Variants in ADPGK observed in about 807,000 individuals in gnomAD.
ADPGK encodes ADP dependent glucokinase.
In ADPGK, 26 loss-of-function variants were observed where a neutral mutation model predicts 42.4. The ratio of observed to expected loss-of-function variants is 0.61; its 90% confidence interval spans 0.45 to 0.85. ADPGK has a LOEUF of 0.85. Ranked by LOEUF, ADPGK falls within the 40% of genes least tolerant of loss-of-function variation. ADPGK has a pLI of 0.00. For synonymous variants in ADPGK, 267 were observed against 252.6 expected (o/e 1.06, Z -0.54); for missense variants, 571 against 627.0 (o/e 0.91, Z 0.95).
intron 1 of ADPGK, among the ~76,000 whole-genome samples, chr15:72,781,885 C>T (rs2066462689): frequency 6.6e-6 from 1 of 152,110 alleles, no homozygotes; most frequent in Non-Finnish European, 1.5e-5. Flanking sequence ...AGCCCTATTC[C>T]AAAAGGACCT....
intron 1 of ADPGK, among the ~76,000 whole-genome samples, chr15:72,780,465 T>C (rs11072388): frequency 0.87 from 132,910 of 152,176 alleles, 58,299 homozygotes; most frequent in East Asian, 1. Flanking sequence ...GAGATTTGAG[T>C]GGGGACACAA....
chr15:72,781,953 AAAGCCAGCTGGCTGC>A (rs1445275213), intron 1 of ADPGK, among the ~76,000 whole-genome samples: 1 of 152,184 alleles, frequency 6.6e-6, no homozygotes, highest in Non-Finnish European at 1.5e-5. Context: ...GACTAACTGA[AAAGCCAGCTGGCTGC>A]AAGCTAGGAA....
intron 2 of ADPGK, among the ~76,000 whole-genome samples, chr15:72,773,048 C>A (rs568447306): frequency 6.6e-6 from 1 of 152,010 alleles, no homozygotes; most frequent in South Asian, 2.1e-4. Flanking sequence ...CCGCCCTAGG[C>A]CACACTGGAA....
chr15:72,782,253 A>G (rs1176869825), intron 1 of ADPGK, among the ~76,000 whole-genome samples: 2 of 152,124 alleles, frequency 1.3e-5, no homozygotes, highest in Admixed American at 6.5e-5. Flanking sequence ...AAGGAAGGAC[A>G]ATTTAATCCC....
Position 72,775,015 on chromosome 15 carries a change from G to C in ADPGK, c.316C>G (p.His106Asp). The stretch of plus-strand genomic sequence containing the variant: ...TCATTCCTTGAATGCAGAATGCTGT[G>C]ATCTTTCCCATTCCCAGGACTAAGG... ...LGLSPGNGKDHSILHSRNDLE... is the reference protein window; with the variant it reads ...LGLSPGNGKDDSILHSRNDLE... The change falls in exon 2 of 7, where the codon CAC becomes GAC. Residue 106 changes from histidine to aspartate, a missense_variant. Physicochemically the swap from His to Asp is moderately conservative, Grantham distance 81 (BLOSUM62 -1). Around this residue, in one of 2 missense-constraint regions of ADPGK, gnomAD observed 434 missense variants for 522.7 expected, o/e 0.83. Coordinates refer to ENST00000456471, the MANE Select transcript of ADPGK (RefSeq NM_001365225.1). 6.2e-7 allele frequency: 1 copy of C among 1,614,082 alleles called. No individual in the cohort carries two copies. Among genetic ancestry groups the C allele is most frequent in the Non-Finnish European group, 8.5e-7 (1 of 1,180,020 alleles).
chr15:72,761,476 T>A (rs1210546163), intron 3 of ADPGK, among the ~76,000 whole-genome samples: 1 of 152,194 alleles, frequency 6.6e-6, no homozygotes, highest in African/African-American at 2.4e-5. Flanking sequence ...GGGAAGGTGC[T>A]CTGCAACTTT....
chr15:72,781,676 C>T (rs748723496), intron 1 of ADPGK, among the ~76,000 whole-genome samples: 3 of 152,184 alleles, frequency 2.0e-5, no homozygotes, highest in Non-Finnish European at 4.4e-5. Flanking sequence ...TTCCTATGTG[C>T]TTCTAAGGTA....
At chr15:72,771,257 C>A (rs981644256) in intron 3 of ADPGK, among the ~76,000 whole-genome samples, 1 of 152,124 alleles carries the variant, frequency 6.6e-6, no homozygotes, top group Non-Finnish European at 1.5e-5. Flanking sequence ...GAAGACACTC[C>A]CCTACTGACT....
chr15:72,763,339 T>TCC (rs1491481162), intron 3 of ADPGK, among the ~76,000 whole-genome samples: 2 of 133,624 alleles, frequency 1.5e-5, no homozygotes, highest in African/African-American at 5.9e-5. Flanking sequence ...TTTTTTTTTT[T>TCC]GTATTTTTAG....
chr15:72,783,652 C>A lies in ADPGK; in HGVS notation c.40G>T (p.Ala14Ser), dbSNP rs770402978. ...WRGSAYAGFL[A>S]LAVGCVFLLE... Reference sequence around the variant, plus strand: ...AGGAAGACGCAGCCCACGGCCAGCGCCAGGAAGCCCGCGTACGCGGAGCCG... The same window carrying A: ...AGGAAGACGCAGCCCACGGCCAGCGACAGGAAGCCCGCGTACGCGGAGCCG... The change falls in exon 1 of 7, where the codon GCG (alanine) becomes TCG (serine). Residue 14 changes from alanine to serine, a missense_variant. This residue lies in a region of ADPGK where 137 missense variants were observed against 104.2 expected (regional missense o/e 1.31). Transcript: ENST00000456471. The A allele has an allele frequency of 6.6e-7, 1 of 1,509,072 alleles. No individual in the cohort carries two copies. Among genetic ancestry groups the A allele is most frequent in the South Asian group, 1.2e-5 (1 of 81,060 alleles). 93.5% of individuals were successfully genotyped at this position (1,509,072 alleles called of 1,614,324 possible). A position where few individuals can be genotyped will look rare whatever the true frequency, so the allele number is the denominator to read the frequency against.
At chr15:72,754,515 C>T (rs565900628) in intron 6 of ADPGK, among the ~76,000 whole-genome samples, 36 of 152,240 alleles carry the variant, frequency 2.4e-4, no homozygotes, top group African/African-American at 7.7e-4. Context: ...TTTTTATGCT[C>T]CAGTCCAGCT....
intron 3 of ADPGK, among the ~76,000 whole-genome samples, chr15:72,764,052 T>C (rs2066228062): frequency 1.3e-5 from 2 of 152,168 alleles, no homozygotes; most frequent in South Asian, 4.1e-4. Context: ...TCCTGAGACA[T>C]AACAATATTG....
At chr15:72,770,946 G>A (rs916088178) in intron 3 of ADPGK, among the ~76,000 whole-genome samples, 11 of 152,186 alleles carry the variant, frequency 7.2e-5, no homozygotes, top group African/African-American at 2.7e-4. Flanking sequence ...TTCACAGTCT[G>A]TTTTCTAGTG....
chr15:72,776,972 C>G (rs2066399285), intron 1 of ADPGK, among the ~76,000 whole-genome samples: 1 of 152,134 alleles, frequency 6.6e-6, no homozygotes, highest in Non-Finnish European at 1.5e-5. Flanking sequence ...GGGATGATTT[C>G]TAGTAAAGAA....
At chr15:72,755,842 A>G in intron 5 of ADPGK, 188 bp from the exon 6 acceptor site, 1 of 656,472 alleles carries the variant, frequency 1.5e-6, no homozygotes, top group Non-Finnish European at 2.8e-6. Context: ...ACCAGGGAAG[A>G]CTAGGCTGTG....
chr15:72,766,735 A>G (rs1202937242), intron 3 of ADPGK, among the ~76,000 whole-genome samples: 1 of 152,242 alleles, frequency 6.6e-6, no homozygotes, highest in African/African-American at 2.4e-5. Flanking sequence ...ATCACTTGAA[A>G]GTAGACCGTG....
intron 4 of ADPGK, 87 bp from the exon 5 acceptor site, chr15:72,756,534 G>A: frequency 7.0e-7 from 1 of 1,431,362 alleles, no homozygotes; most frequent in South Asian, 1.3e-5. Flanking sequence ...CACCTCACAG[G>A]AGCCTTGGCT....
intron 4 of ADPGK, chr15:72,758,103 C>T (rs1469778478): frequency 2.5e-6 from 4 of 1,613,026 alleles, no homozygotes; most frequent in Admixed American, 1.7e-5. Context: ...TTGCTTTGTC[C>T]CTCCATCATG....
chr15:72,765,189 G>C (rs2066243613), intron 3 of ADPGK, among the ~76,000 whole-genome samples: 1 of 152,108 alleles, frequency 6.6e-6, no homozygotes, highest in Non-Finnish European at 1.5e-5. Flanking sequence ...CTGTCGCCCA[G>C]GCTGGAGTAT....
Sources: allele counts gnomAD v4.1 joint callset (sites outside exome capture counted in the v4.1 genomes callset), GRCh38; gene constraint gnomAD v4.1.1; regional missense constraint gnomAD v4.1.1; transcripts MANE v1.5; gene names NCBI Gene and HGNC (gene_info 2026-07-23, HGNC 2026-07-21).